UBE2E2: variants seen among roughly 807,000 people sequenced by gnomAD.
UBE2E2 encodes ubiquitin-conjugating enzyme E2 E2.
Under a neutral mutation model 24.7 loss-of-function variants are expected in UBE2E2, and 6 were observed. That is an observed-to-expected ratio of 0.24 (90% CI 0.13 to 0.48). UBE2E2 has a LOEUF of 0.48. Ranked by LOEUF, UBE2E2 falls within the 20% of genes least tolerant of loss-of-function variation. The pLI is 0.99. For synonymous variants in UBE2E2, 104 were observed against 83.6 expected (o/e 1.24, Z -1.33); for missense variants, 169 against 245.0 (o/e 0.69, Z 2.07).
intron 3 of UBE2E2, among the ~76,000 whole-genome samples, chr3:23,233,732 A>G (rs989999755): frequency 1.3e-5 from 2 of 152,200 alleles, no homozygotes; most frequent in African/African-American, 4.8e-5. Flanking sequence ...GTAGCCTCCA[A>G]TATTTAAGTA....
At position 23,589,885 on chromosome 3, in the gene UBE2E2, A is replaced by T. The variant is rs1360864070; in HGVS notation, c.*54A>T. On this transcript the variant is annotated 3_prime_UTR_variant, in exon 6 of 6. Transcript: ENST00000396703. This position sits in a 1 kb window ranked among gnomAD's most constrained non-coding sequence, Gnocchi z 4.1. ...CTGTGCAAGCACATTCACCAAGTGC[A>T]TCGGTAGCCCTGCCCACCCCTCCAG... The T allele has an allele frequency of 1.3e-6, 2 of 1,566,650 alleles. No individual in the cohort carries two copies. The highest frequency in any genetic ancestry group is 3.4e-5 in the Admixed American group (2 of 59,554).
At chr3:23,320,906 T>A (rs966994567) in intron 3 of UBE2E2, among the ~76,000 whole-genome samples, 1 of 152,216 alleles carries the variant, frequency 6.6e-6, no homozygotes, top group Admixed American at 6.5e-5. Context: ...ATTACCATAA[T>A]CTGGGTGGCT....
intron 3 of UBE2E2, among the ~76,000 whole-genome samples, chr3:23,429,162 C>T (rs1233796714): frequency 2.6e-5 from 4 of 151,934 alleles, no homozygotes; most frequent in African/African-American, 7.3e-5. Context: ...CTTTCCAAAA[C>T]GGAAAGCACC....
chr3:23,291,898 G>A (rs576053726), intron 3 of UBE2E2, among the ~76,000 whole-genome samples: 5 of 120,014 alleles, frequency 4.2e-5, no homozygotes, highest in South Asian at 5.5e-4. Context: ...TCGCTCTTTG[G>A]CCCAGGCCAG....
intron 5 of UBE2E2, among the ~76,000 whole-genome samples, chr3:23,560,365 C>T (rs1695896497): frequency 1.3e-5 from 2 of 152,218 alleles, no homozygotes; most frequent in East Asian, 3.9e-4. Flanking sequence ...TGGTTTCCAG[C>T]TTCATCCGTG....
intron 3 of UBE2E2, among the ~76,000 whole-genome samples, chr3:23,305,362 G>A (rs1575548261): frequency 6.6e-6 from 1 of 152,156 alleles, no homozygotes; most frequent in East Asian, 1.9e-4. Context: ...CTCAAAGGAT[G>A]GTTTTTAATA....
At chr3:23,347,110 T>G (rs552389927) in intron 3 of UBE2E2, among the ~76,000 whole-genome samples, 1 of 152,348 alleles carries the variant, frequency 6.6e-6, no homozygotes, top group African/African-American at 2.4e-5. Context: ...CCATAGGGAC[T>G]GTAAACTAGT....
chr3:23,585,676 A>G (rs1696609297), intron 5 of UBE2E2, among the ~76,000 whole-genome samples: 1 of 152,210 alleles, frequency 6.6e-6, no homozygotes. Flanking sequence ...TTATCTACTG[A>G]TAAATTTTGT....
intron 3 of UBE2E2, among the ~76,000 whole-genome samples, chr3:23,282,696 T>C (rs6805391): frequency 1 from 151,852 of 152,258 alleles, 75,723 homozygotes; most frequent in Middle Eastern, 1. Context: ...AAAACTAAAT[T>C]GAAGTTTAAA....
chr3:23,551,046 A>G (rs942390256), intron 5 of UBE2E2, among the ~76,000 whole-genome samples: 2 of 152,070 alleles, frequency 1.3e-5, no homozygotes, highest in Non-Finnish European at 2.9e-5. Flanking sequence ...AAAGTATCAT[A>G]CTGTTCCTAA....
intron 3 of UBE2E2, among the ~76,000 whole-genome samples, chr3:23,311,455 C>G (rs1186212687): frequency 6.6e-6 from 1 of 152,154 alleles, no homozygotes; most frequent in Non-Finnish European, 1.5e-5. Context: ...ACACTGTCTT[C>G]CACAATGGTT....
chr3:23,250,693 A>G (rs1485475371), intron 3 of UBE2E2, among the ~76,000 whole-genome samples: 1 of 152,222 alleles, frequency 6.6e-6, no homozygotes, highest in East Asian at 1.9e-4. Context: ...TTTCCTTATG[A>G]TATGGCATAC....
intron 3 of UBE2E2, among the ~76,000 whole-genome samples, chr3:23,450,397 T>C (rs1031150916): frequency 2.0e-5 from 3 of 152,208 alleles, no homozygotes; most frequent in Admixed American, 6.5e-5. Flanking sequence ...TTAATTAATT[T>C]TGCTACATGT....
chr3:23,476,938 G>C (rs1169748402), intron 3 of UBE2E2, among the ~76,000 whole-genome samples: 2 of 152,050 alleles, frequency 1.3e-5, no homozygotes, highest in Admixed American at 6.5e-5. Flanking sequence ...CTAGAAGTTT[G>C]TGTTAAGTTC....
chr3:23,446,041 G>A (rs1483239934), intron 3 of UBE2E2, among the ~76,000 whole-genome samples: 1 of 152,108 alleles, frequency 6.6e-6, no homozygotes, highest in Non-Finnish European at 1.5e-5. Context: ...AATAGGTCTT[G>A]TACCATGAGA....
At position 23,499,659 on chromosome 3, in the gene UBE2E2, A is replaced by AC; in HGVS notation, c.284dup (p.Gly96ArgfsTer5). 1 of 1,613,854 alleles carries AC rather than the reference A, an allele frequency of 6.2e-7. No individual in the cohort carries two copies. The highest frequency in any genetic ancestry group is 8.5e-7 in the Non-Finnish European group (1 of 1,179,882). On this transcript the variant is annotated frameshift_variant, in exon 4 of 6. Transcript: ENST00000396703. LOFTEE classifies it high-confidence loss of function. ...ATGAATGGAGGTCAACTATATTGGG[A>AC]CCCCCAGGATCTGTCTATGAAGGAG...
intron 4 of UBE2E2, among the ~76,000 whole-genome samples, chr3:23,503,782 A>G (rs1161867480): frequency 6.6e-6 from 1 of 152,012 alleles, no homozygotes; most frequent in Non-Finnish European, 1.5e-5. Flanking sequence ...TGAACCCAGG[A>G]GACGAGGCTG....
chr3:23,470,231 A>G (rs768058020), intron 3 of UBE2E2, among the ~76,000 whole-genome samples: 1 of 152,154 alleles, frequency 6.6e-6, no homozygotes, highest in African/African-American at 2.4e-5. Context: ...CTGTTGGCCA[A>G]AGTTCTGAGT....
chr3:23,412,676 C>A (rs1697520080), intron 3 of UBE2E2, among the ~76,000 whole-genome samples: 1 of 152,068 alleles, frequency 6.6e-6, no homozygotes, highest in Non-Finnish European at 1.5e-5. Flanking sequence ...ACTCTTCTTT[C>A]CTCATGCCTT....
Sources: allele counts gnomAD v4.1 joint callset (sites outside exome capture counted in the v4.1 genomes callset), GRCh38; gene constraint gnomAD v4.1.1; non-coding constraint Gnocchi (gnomAD v3.1); transcripts MANE v1.5; gene names NCBI Gene and HGNC (gene_info 2026-07-23, HGNC 2026-07-21).